Variants in WDR64 observed in about 807,000 individuals in gnomAD.
WDR64 encodes the protein WD repeat-containing protein 64.
In WDR64, 112 loss-of-function variants were observed where a neutral mutation model predicts 139.3. The ratio of observed to expected loss-of-function variants is 0.80; its 90% CI spans 0.69 to 0.94. The LOEUF (loss-of-function observed/expected upper bound fraction) is 0.94. WDR64 is among the 40% of genes least tolerant of loss of function. The pLI, the probability that WDR64 is intolerant of heterozygous loss-of-function variation, is 0.00. For missense variants in WDR64, 1,206 were observed against 1,293.1 expected (o/e 0.93, Z 1.03); for synonymous variants, 444 against 437.7 (o/e 1.01, Z -0.18).
chr1:241,738,238 C>T, intron 10 of WDR64, 125 bp from the exon 11 acceptor site: 1 of 1,205,668 alleles, frequency 8.3e-7, no homozygotes, highest in Non-Finnish European at 1.1e-6. Flanking sequence ...GCATGCTTAT[C>T]ATATAAGTAA....
rs1231866469 is a variant in WDR64 at position 241,713,166 on chromosome 1, G to A, written c.1054+1285G>A. Among the ~76,000 whole-genome samples the A allele has an allele frequency of 2.0e-5, 3 of 151,270 alleles. No homozygotes were observed. In the East Asian group the frequency reaches 5.9e-4, roughly 29 times the overall value. On this transcript the variant is annotated intron_variant, in intron 9 of 27. Coordinates refer to ENST00000437684, the MANE Select transcript of WDR64 (RefSeq NM_001367482.1). ...TACAAAAAAAAAAAATTAAAAATTA[G>A]CTGAGCATTTGGTGTGTACCTGTAG...
chr1:241,771,941 CATACATATATATATATATAT>C (rs1247979398), intron 19 of WDR64, among the ~76,000 whole-genome samples: 21 of 28,964 alleles, frequency 7.3e-4, no homozygotes, highest in South Asian at 2.4e-3. Context: ...TACATACATA[CATACATATATATATATATAT>C]ATATATATAT....
chr1:241,709,839 CTGTT>C (rs1668093129), intron 8 of WDR64, among the ~76,000 whole-genome samples: 1 of 152,072 alleles, frequency 6.6e-6, no homozygotes, highest in African/African-American at 2.4e-5. Context: ...TCACAAGATA[CTGTT>C]TATTACAATA....
intron 25 of WDR64, among the ~76,000 whole-genome samples, chr1:241,792,826 G>T (rs981735669): frequency 6.6e-6 from 1 of 152,148 alleles, no homozygotes; most frequent in Non-Finnish European, 1.5e-5. Flanking sequence ...AACCACTGTG[G>T]AAAGTAATGT....
rs1237346712 is a variant in WDR64 at position 241,772,900 on chromosome 1, A to AG, written c.2401dup (p.Asp801GlyfsTer34). 2.6e-6 allele frequency: 4 copies of AG among 1,551,856 alleles called. No homozygotes were observed. The Admixed American group carries it at 7.8e-5, about 30-fold the overall frequency. On this transcript the variant is annotated frameshift_variant, in exon 20 of 28. Coordinates refer to ENST00000437684, the MANE Select transcript of WDR64 (RefSeq NM_001367482.1). LOFTEE classifies it high-confidence loss of function. ...CCACCTATCCTTGTCACTGCTCATG[A>AG]GGATGGACACCTCCGCTTGTGGACT... is the stretch of plus-strand genomic sequence containing the variant.
intron 1 of WDR64, among the ~76,000 whole-genome samples, chr1:241,657,546 C>G (rs962866616): frequency 6.6e-6 from 1 of 152,116 alleles, no homozygotes; most frequent in Admixed American, 6.5e-5. Context: ...CACAGGCCTT[C>G]GTGTTGATCA....
At chr1:241,720,465 C>G (rs904480242) in intron 9 of WDR64, among the ~76,000 whole-genome samples, 1 of 152,050 alleles carries the variant, frequency 6.6e-6, no homozygotes, top group Non-Finnish European at 1.5e-5. Context: ...GCCAGCATCT[C>G]TTGTTTCTGG....
chr1:241,796,414 T>A (rs1340689346), intron 27 of WDR64, 44 bp downstream of exon 27: 1 of 1,279,152 alleles, frequency 7.8e-7, no homozygotes, highest in Admixed American at 1.9e-5. Context: ...TTTCAGTGTA[T>A]CCTATTTCTG....
intron 2 of WDR64, among the ~76,000 whole-genome samples, chr1:241,667,758 C>T (rs1465182692): frequency 6.6e-6 from 1 of 152,134 alleles, no homozygotes; most frequent in Non-Finnish European, 1.5e-5. Flanking sequence ...AAGTCTCCAG[C>T]AAAGAATGCA....
At position 241,740,679 on chromosome 1, in the gene WDR64, T is replaced by C. The variant is rs932921328; in HGVS notation, c.1322-837T>C. ...TTTTTTTTTTTAATCTTAATTTTTATTTTTTTGAGAAGGAGTCTCGCTCTG... is the reference window on the plus strand; with the variant it reads ...TTTTTTTTTTTAATCTTAATTTTTACTTTTTTGAGAAGGAGTCTCGCTCTG... On this transcript the variant is annotated intron_variant, in intron 11 of 27. Coordinates refer to ENST00000437684, the MANE Select transcript of WDR64 (RefSeq NM_001367482.1). Among the ~76,000 whole-genome samples the C allele has an allele frequency of 6.6e-5, 10 of 152,112 alleles. No individual in the cohort carries two copies. The Middle Eastern group carries it at 0.01, about 155-fold the overall frequency.
rs765517044 is a variant in WDR64, at chr1:241,766,362, T to G, written c.2081+11T>G. ...TACTGTCAAAAAAGTGTAAGTTGTGTATTATCCTTAAACAATGTAAAAGCT... is the reference window on the plus strand; with the variant it reads ...TACTGTCAAAAAAGTGTAAGTTGTGGATTATCCTTAAACAATGTAAAAGCT... On this transcript the variant is annotated intron_variant, in intron 16 of 27. Transcript: ENST00000437684. The G allele has an allele frequency of 6.2e-7, 1 of 1,612,718 alleles. No individual in the cohort carries two copies. The highest frequency in any genetic ancestry group is 1.3e-5 in the African/African-American group (1 of 74,892).
In WDR64 at chr1:241,688,000, G is replaced by C. The variant is rs551957430; in HGVS notation, c.974+405G>C. On this transcript the variant is annotated intron_variant, in intron 8 of 27. Transcript: ENST00000437684. Reference sequence around the variant, plus strand: ...ATGTTTCATGTGTAATATACAAGTTGGCATCCTCATAGAAAGGTTCATTTG... The same window carrying C: ...ATGTTTCATGTGTAATATACAAGTTCGCATCCTCATAGAAAGGTTCATTTG... Among the ~76,000 whole-genome samples the C allele has an allele frequency of 4.7e-4, 71 of 152,214 alleles. 1 individual carries two copies. The highest frequency in any genetic ancestry group is 1.6e-3 in the African/African-American group (67 of 41,544).
At chr1:241,658,638 C>CAAAAAAA (rs56278786) in intron 1 of WDR64, among the ~76,000 whole-genome samples, 3 of 83,774 alleles carry the variant, frequency 3.6e-5, no homozygotes, top group Non-Finnish European at 5.0e-5. Flanking sequence ...GATCCTGTCT[C>CAAAAAAA]AAAAAAAAAA....
intron 9 of WDR64, among the ~76,000 whole-genome samples, chr1:241,720,026 T>G (rs1031328155): frequency 1.3e-5 from 2 of 152,168 alleles, no homozygotes; most frequent in African/African-American, 4.8e-5. Flanking sequence ...AAGGTTCAGC[T>G]CCCACTTATA....
chr1:241,783,214 T>C, intron 22 of WDR64, 58 bp from the exon 23 acceptor site: 2 of 1,432,644 alleles, frequency 1.4e-6, no homozygotes, highest in Admixed American at 3.5e-5. Context: ...TTGTTGAAGA[T>C]TACATTTTTA....
At chr1:241,762,412 C>A (rs1292176944) in intron 15 of WDR64, among the ~76,000 whole-genome samples, 1 of 152,094 alleles carries the variant, frequency 6.6e-6, no homozygotes, top group Admixed American at 6.6e-5. Context: ...CTCAACAAGG[C>A]AGGCGCATGT....
intron 10 of WDR64, among the ~76,000 whole-genome samples, chr1:241,733,847 C>T (rs1299314429): frequency 2.0e-5 from 3 of 152,130 alleles, no homozygotes; most frequent in African/African-American, 7.2e-5. Flanking sequence ...TGTTTTCTTC[C>T]TAAACCCCCT....
chr1:241,747,888 A>G (rs12078888), intron 13 of WDR64, among the ~76,000 whole-genome samples: 3,917 of 152,262 alleles, frequency 0.026, 161 homozygotes, highest in African/African-American at 0.088. Flanking sequence ...CAGGTGGGTG[A>G]GAATGTAGTC....
intron 2 of WDR64, among the ~76,000 whole-genome samples, chr1:241,666,647 C>T (rs75210923): frequency 4.6e-5 from 7 of 152,252 alleles, no homozygotes; most frequent in Non-Finnish European, 1.0e-4. Flanking sequence ...GAGGAAGATA[C>T]TTGAATTCTG....
Sources: allele counts gnomAD v4.1 joint callset (sites outside exome capture counted in the v4.1 genomes callset), GRCh38; gene constraint gnomAD v4.1.1; transcripts MANE v1.5; gene names NCBI Gene and HGNC (gene_info 2026-07-23, HGNC 2026-07-21).